DOK5: variants seen among roughly 807,000 people sequenced by gnomAD.
DOK5 encodes the protein downstream of tyrosine kinase 5.
A neutral mutation model predicts 43.3 loss-of-function variants in DOK5; 27 were observed. The ratio of observed to expected loss-of-function variants is 0.62; its 90% CI spans 0.46 to 0.86. DOK5 has a LOEUF of 0.86. DOK5 is among the 40% of genes least tolerant of loss of function. DOK5 has a pLI of 0.00. For missense variants in DOK5, 373 were observed against 392.9 expected, an observed-to-expected ratio of 0.95 and a Z score of 0.43; for synonymous variants, 146 against 140.1, an observed-to-expected ratio of 1.04 and a Z score of -0.30.
chr20:54,520,862 T>C lies in DOK5; in HGVS notation c.67-34071T>C, dbSNP rs1983368544. Among the ~76,000 whole-genome samples, 3 of 139,364 alleles carry C rather than the reference T, an allele frequency of 2.2e-5. No individual in the cohort carries two copies. The South Asian group carries it at 6.5e-4, about 30-fold the overall frequency. The allele number at this position is 139,364 out of a possible 152,430, so 91.4% of individuals were successfully genotyped here. A position where few individuals can be genotyped will look rare whatever the true frequency, so the allele number is the denominator to read the frequency against. Reference sequence around the variant, plus strand: ...GTATAATAAAATACAGAGTCCTTCATGGCCTCTGAAGTTTCCCATGATTGT... The same window carrying C: ...GTATAATAAAATACAGAGTCCTTCACGGCCTCTGAAGTTTCCCATGATTGT... On this transcript the variant is annotated intron_variant, in intron 1 of 7. Transcript: ENST00000262593.
At chr20:54,612,224 G>T (rs146267469) in intron 6 of DOK5, among the ~76,000 whole-genome samples, 2 of 152,156 alleles carry the variant, frequency 1.3e-5, no homozygotes, top group South Asian at 2.1e-4. Context: ...GATTTGGGCC[G>T]CAGGACAGAG....
chr20:54,608,492 G>A (rs1848184263), intron 5 of DOK5, among the ~76,000 whole-genome samples: 1 of 152,164 alleles, frequency 6.6e-6, no homozygotes, highest in Non-Finnish European at 1.5e-5. Flanking sequence ...AGTATTTTAA[G>A]ATGTCTTCAG....
intron 1 of DOK5, among the ~76,000 whole-genome samples, chr20:54,492,084 T>C (rs1363630373): frequency 6.6e-6 from 1 of 151,884 alleles, no homozygotes; most frequent in African/African-American, 2.4e-5. Flanking sequence ...ATATGTCATA[T>C]ATATAAATTC....
intron 2 of DOK5, among the ~76,000 whole-genome samples, chr20:54,585,209 T>C (rs1208286877): frequency 1.3e-5 from 2 of 151,998 alleles, no homozygotes; most frequent in African/African-American, 2.4e-5. Flanking sequence ...AGTTCTGAGG[T>C]AGAGACAGAG....
chr20:54,505,056 T>C (rs1402007681), intron 1 of DOK5, among the ~76,000 whole-genome samples: 1 of 152,088 alleles, frequency 6.6e-6, no homozygotes, highest in Non-Finnish European at 1.5e-5. Context: ...CCCTCCATCC[T>C]TGAATCTGTG....
intron 6 of DOK5, among the ~76,000 whole-genome samples, chr20:54,641,993 C>A (rs1324746986): frequency 6.6e-6 from 1 of 152,094 alleles, no homozygotes; most frequent in East Asian, 1.9e-4. Context: ...TTCAACTTTG[C>A]AAATAGTCAC....
At chr20:54,480,492 A>G (rs139547331) in intron 1 of DOK5, among the ~76,000 whole-genome samples, 1 of 152,170 alleles carries the variant, frequency 6.6e-6, no homozygotes, top group Non-Finnish European at 1.5e-5. Flanking sequence ...TGAATAATCC[A>G]TCCCTTGTTT....
At position 54,524,680 on chromosome 20, in the gene DOK5, A is replaced by G. The variant is rs549141192; in HGVS notation, c.67-30253A>G. ...CAGTAGAAGGACAGCTGGCTTTCAA[A>G]CTCAGCTTTCTCTGACTATTAAAGC... On this transcript the variant is annotated intron_variant, in intron 1 of 7. Transcript: ENST00000262593. Among the ~76,000 whole-genome samples, 95 of 152,322 alleles carry G rather than the reference A, an allele frequency of 6.2e-4. 1 individual carries two copies. The highest frequency in any genetic ancestry group is 1.2e-3 in the Non-Finnish European group (82 of 68,030).
rs563851134 is a variant in DOK5 at position 54,534,466 on chromosome 20, G to A, written c.67-20467G>A. Reference sequence around the variant, plus strand: ...AGCCTCCCAAGTCCTGAGATTACTGGCATGTGCCACTGCCACATTTCAAAT... The same window carrying A: ...AGCCTCCCAAGTCCTGAGATTACTGACATGTGCCACTGCCACATTTCAAAT... On this transcript the variant is annotated intron_variant, in intron 1 of 7. Transcript: ENST00000262593. 6.6e-5 allele frequency among the ~76,000 whole-genome samples: 10 copies of A among 152,316 alleles called. 1 individual carries two copies. In the East Asian group the frequency reaches 1.2e-3, roughly 18 times the overall value.
At chr20:54,517,756 A>G (rs2426523) in intron 1 of DOK5, among the ~76,000 whole-genome samples, 1,672 of 152,216 alleles carry the variant, frequency 0.011, 37 homozygotes, top group African/African-American at 0.039. Context: ...GAGGTGATGA[A>G]GTCATGAATC....
chr20:54,549,132 G>T (rs992073842), intron 1 of DOK5, among the ~76,000 whole-genome samples: 9 of 152,320 alleles, frequency 5.9e-5, no homozygotes, highest in Admixed American at 5.2e-4. Flanking sequence ...AGCGTCGTCT[G>T]AAAGTACTTT....
intron 6 of DOK5, among the ~76,000 whole-genome samples, chr20:54,624,903 A>G (rs1433068555): frequency 1.3e-5 from 2 of 151,656 alleles, no homozygotes; most frequent in Non-Finnish European, 2.9e-5. Context: ...GCCACAATGG[A>G]GGCATTGTTT....
rs772084848 is a variant in DOK5, at chr20:54,584,012, C to T, written c.175-4471C>T. Among the ~76,000 whole-genome samples, 17 of 151,472 alleles carry T rather than the reference C, an allele frequency of 1.1e-4. No homozygotes were observed. The South Asian group carries it at 1.5e-3, about 13-fold the overall frequency. ...AAAAAAAAAAAAAATTAGTCGAGCA[C>T]GGTGGTGCACACCTATAGTCTCAGC... On this transcript the variant is annotated intron_variant, in intron 2 of 7. Transcript: ENST00000262593.
At chr20:54,598,254 C>G (rs1986201605) in intron 5 of DOK5, among the ~76,000 whole-genome samples, 1 of 152,070 alleles carries the variant, frequency 6.6e-6, no homozygotes, top group African/African-American at 2.4e-5. Flanking sequence ...ATTAATTACC[C>G]TTGGAGACAG....
At chr20:54,581,172 G>T (rs559477197) in intron 2 of DOK5, among the ~76,000 whole-genome samples, 2 of 152,110 alleles carry the variant, frequency 1.3e-5, no homozygotes, top group African/African-American at 4.8e-5. Context: ...CCTTGTGAAA[G>T]ACCATTTTAT....
chr20:54,476,093 G>C lies in DOK5; in HGVS notation c.66+81G>C, dbSNP rs940003318. 1.3e-5 allele frequency: 21 copies of C among 1,586,816 alleles called. No individual in the cohort carries two copies. The African/African-American group carries it at 2.7e-4, about 20-fold the overall frequency. ...AGCCAGCATCCCTGGAGGGTGGACG[G>C]AGAGTCCCCGGCCGCGCGCCGGAGA... On this transcript the variant is annotated intron_variant, in intron 1 of 7. Coordinates refer to ENST00000262593, the MANE Select transcript of DOK5 (RefSeq NM_018431.5).
intron 2 of DOK5, among the ~76,000 whole-genome samples, chr20:54,559,480 T>C (rs1215743114): frequency 6.6e-6 from 1 of 152,206 alleles, no homozygotes; most frequent in East Asian, 1.9e-4. Flanking sequence ...GTCCAGCAAA[T>C]CCTGTGTTTA....
intron 1 of DOK5, among the ~76,000 whole-genome samples, chr20:54,522,654 G>T (rs1034137143): frequency 2.0e-5 from 3 of 151,544 alleles, no homozygotes; most frequent in African/African-American, 4.8e-5. Flanking sequence ...TAAGTAGCTG[G>T]GATTACAGGC....
Position 54,559,868 on chromosome 20 carries a change from G to T in DOK5, c.174+4828G>T, listed in dbSNP as rs571654479. Among the ~76,000 whole-genome samples the T allele has an allele frequency of 7.8e-4, 119 of 152,324 alleles. 1 individual carries two copies. The highest frequency in any genetic ancestry group is 2.7e-3 in the African/African-American group (113 of 41,582). On this transcript the variant is annotated intron_variant, in intron 2 of 7. Coordinates refer to ENST00000262593, the MANE Select transcript of DOK5 (RefSeq NM_018431.5). ...ATCAGGGTTAATGTGTGTATTAAAT[G>T]AACGTGAATGTATTTGAAAAGGGAA... is the stretch of plus-strand genomic sequence containing the variant.
Sources: allele counts gnomAD v4.1 joint callset (sites outside exome capture counted in the v4.1 genomes callset), GRCh38; gene constraint gnomAD v4.1.1; transcripts MANE v1.5; gene names NCBI Gene and HGNC (gene_info 2026-07-23, HGNC 2026-07-21).